The following LRP1B variants were observed in gnomAD, a reference collection of about 807,000 sequenced individuals.
LRP1B encodes LDL receptor related protein 1B, also known as low-density lipoprotein receptor-related protein 1B.
A neutral mutation model predicts 556.6 loss-of-function variants in LRP1B; 217 were observed. The observed-to-expected ratio is 0.39, with a 90% confidence interval of 0.35 to 0.44. The LOEUF (loss-of-function observed/expected upper bound fraction) is 0.44. Among genes scored for constraint, LRP1B ranks in the 20% least tolerant of loss-of-function variants. The pLI, the probability that LRP1B is intolerant of heterozygous loss-of-function variation, is 1.00. For missense variants in LRP1B, 5,053 were observed against 5,620.8 expected (o/e 0.90, Z 3.23); for synonymous variants, 2,047 against 1,865.8 (o/e 1.10, Z -2.50).
At chr2:140,292,601 G>A (rs1013488857) in intron 84 of LRP1B, among the ~76,000 whole-genome samples, 2 of 152,036 alleles carry the variant, frequency 1.3e-5, no homozygotes, top group Admixed American at 1.3e-4. Flanking sequence ...ATTTTCTAAA[G>A]GCTAAACTCT....
chr2:141,619,339 T>C (rs1394991173), intron 2 of LRP1B, among the ~76,000 whole-genome samples: 1 of 152,228 alleles, frequency 6.6e-6, no homozygotes, highest in Non-Finnish European at 1.5e-5. Context: ...TAATACTTCG[T>C]ATTTTATTCC....
At chr2:141,053,828 A>ATGTATG (rs1699105986) in intron 10 of LRP1B, among the ~76,000 whole-genome samples, 1 of 150,130 alleles carries the variant, frequency 6.7e-6, no homozygotes, top group Non-Finnish European at 1.5e-5. Flanking sequence ...GTGTGTATAT[A>ATGTATG]TGTGTGTGTG....
chr2:141,196,906 C>CA (rs1681775881), intron 6 of LRP1B, among the ~76,000 whole-genome samples: 1 of 152,070 alleles, frequency 6.6e-6, no homozygotes, highest in African/African-American at 2.4e-5. Context: ...GCTGTATCCC[C>CA]ACCCCACCTT....
chr2:140,448,957 T>C (rs1355267184), intron 63 of LRP1B, among the ~76,000 whole-genome samples: 1 of 152,078 alleles, frequency 6.6e-6, no homozygotes, highest in Non-Finnish European at 1.5e-5. Context: ...AGATAACAGA[T>C]GTCTTTCAGA....
intron 41 of LRP1B, among the ~76,000 whole-genome samples, chr2:140,648,188 G>A (rs765490590): frequency 5.7e-4 from 86 of 152,032 alleles, no homozygotes; most frequent in Admixed American, 1.5e-3. Context: ...CTATTGCAAG[G>A]ACAGAAAACC....
At chr2:141,896,957 A>G (rs754088162) in intron 1 of LRP1B, among the ~76,000 whole-genome samples, 43 of 152,080 alleles carry the variant, frequency 2.8e-4, no homozygotes, top group Non-Finnish European at 5.6e-4. Context: ...TCTATACCCA[A>G]TCTTTCCCAA....
intron 3 of LRP1B, among the ~76,000 whole-genome samples, chr2:141,322,074 A>T (rs1474387742): frequency 1.3e-5 from 2 of 152,068 alleles, no homozygotes; most frequent in Non-Finnish European, 2.9e-5. Flanking sequence ...TTGATTATTG[A>T]TGCTTGAAAA....
chr2:140,485,391 C>G lies in LRP1B; in HGVS notation c.9377G>C (p.Ser3126Thr), dbSNP rs1688423026. The change falls in exon 59 of 91, where the codon AGC becomes ACC. Residue 3126 changes from serine to threonine, a missense_variant. Coordinates refer to ENST00000389484, the MANE Select transcript of LRP1B (RefSeq NM_018557.3). ...LNGLYPTILV[S>T]KRLKFPRDLS... ...GTCTCTGGGAAACTTCAGCCTTTTGCTAACGAGTATAGTAGGGTACAAGCC... is the reference window on the plus strand; with the variant it reads ...GTCTCTGGGAAACTTCAGCCTTTTGGTAACGAGTATAGTAGGGTACAAGCC... 1 of 1,612,902 alleles carries G rather than the reference C, an allele frequency of 6.2e-7. No homozygotes were observed. Among genetic ancestry groups the G allele is most frequent in the African/African-American group, 1.3e-5 (1 of 74,880 alleles).
At chr2:141,999,547 TA>T (rs535566674) in intron 1 of LRP1B, among the ~76,000 whole-genome samples, 3 of 152,258 alleles carry the variant, frequency 2.0e-5, no homozygotes, top group African/African-American at 7.2e-5. Flanking sequence ...AATAAAGATT[TA>T]AAAGTGGCTT....
At chr2:141,608,056 C>T (rs1434722754) in intron 2 of LRP1B, among the ~76,000 whole-genome samples, 4 of 152,056 alleles carry the variant, frequency 2.6e-5, no homozygotes, top group African/African-American at 9.7e-5. Flanking sequence ...GGAACCCTGT[C>T]TCTGCTAAAA....
intron 32 of LRP1B, among the ~76,000 whole-genome samples, chr2:140,791,248 A>G (rs900815956): frequency 6.6e-6 from 1 of 151,766 alleles, no homozygotes; most frequent in Non-Finnish European, 1.5e-5. Flanking sequence ...TCGAGACTCC[A>G]TCTAAAAGCA....
At chr2:140,353,786 A>G (rs1387849473) in intron 75 of LRP1B, among the ~76,000 whole-genome samples, 1 of 151,920 alleles carries the variant, frequency 6.6e-6, no homozygotes, top group Non-Finnish European at 1.5e-5. Flanking sequence ...TTCCTTTTTT[A>G]TTGCCAGATT....
intron 1 of LRP1B, among the ~76,000 whole-genome samples, chr2:142,042,079 G>A (rs1704085324): frequency 6.6e-6 from 1 of 151,286 alleles, no homozygotes; most frequent in Non-Finnish European, 1.5e-5. Flanking sequence ...CTGTAGTTTT[G>A]TCAATAGTTA....
At chr2:140,990,382 A>T (rs1697056151) in intron 16 of LRP1B, among the ~76,000 whole-genome samples, 3 of 152,096 alleles carry the variant, frequency 2.0e-5, no homozygotes, top group Admixed American at 2.0e-4. Context: ...ATATTTTTTA[A>T]ACCACATAAA....
At chr2:140,419,599 T>C (rs2105263077) in intron 66 of LRP1B, among the ~76,000 whole-genome samples, 1 of 152,332 alleles carries the variant, frequency 6.6e-6, no homozygotes, top group East Asian at 1.9e-4. Flanking sequence ...TTGCAAAGTA[T>C]ATACTGTGAT....
intron 1 of LRP1B, among the ~76,000 whole-genome samples, chr2:142,109,444 C>T (rs770814282): frequency 1.3e-5 from 2 of 151,990 alleles, no homozygotes; most frequent in Non-Finnish European, 1.5e-5. Flanking sequence ...TTCTTTTTCT[C>T]CTATTTTTAC....
chr2:141,161,220 C>A (rs1275180134), intron 7 of LRP1B, among the ~76,000 whole-genome samples: 3 of 152,024 alleles, frequency 2.0e-5, no homozygotes, highest in Non-Finnish European at 2.9e-5. Context: ...TTTACATATA[C>A]CTCATGAAAC....
chr2:141,205,526 A>T (rs951990185), intron 6 of LRP1B, among the ~76,000 whole-genome samples: 25 of 152,238 alleles, frequency 1.6e-4, no homozygotes, highest in Admixed American at 1.1e-3. Context: ...TATCAATAAA[A>T]TTTTTTTCAC....
chr2:140,294,577 G>T (rs757413074), intron 84 of LRP1B, among the ~76,000 whole-genome samples: 1 of 152,184 alleles, frequency 6.6e-6, no homozygotes, highest in Non-Finnish European at 1.5e-5. Context: ...GCTGAGCAGA[G>T]TCACAATGTC....
Sources: allele counts gnomAD v4.1 joint callset (sites outside exome capture counted in the v4.1 genomes callset), GRCh38; gene constraint gnomAD v4.1.1; transcripts MANE v1.5; gene names NCBI Gene and HGNC (gene_info 2026-07-23, HGNC 2026-07-21).